Variants in MID1 observed in about 807,000 individuals in gnomAD.
MID1 encodes E3 ubiquitin-protein ligase Midline-1.
Under a neutral mutation model 40.4 loss-of-function variants are expected in MID1, and 7 were observed. The observed-to-expected ratio is 0.17, with a 90% CI of 0.10 to 0.33. The LOEUF (loss-of-function observed/expected upper bound fraction) is 0.33, where lower values mean the gene tolerates loss of function less well. Ranked by LOEUF, MID1 falls within the 10% of genes least tolerant of loss-of-function variation. The pLI, the probability that MID1 is intolerant of heterozygous loss-of-function variation, is 1.00. For synonymous variants in MID1, 229 were observed against 221.2 expected, an observed-to-expected ratio of 1.04 and a Z score of -0.31; for missense variants, 367 against 558.5, an observed-to-expected ratio of 0.66 and a Z score of 3.46.
At chrX:10,516,592 GTGT>G (rs1932439676) in intron 3 of MID1, among the ~76,000 whole-genome samples, 1 of 83,975 alleles carries the variant, frequency 1.2e-5, no homozygotes, top group African/African-American at 6.9e-5. Context: ...GTGTGTGTGT[GTGT>G]GTGTGTGTGT....
At chrX:10,750,681 G>A (rs754909397) in intron 1 of MID1, among the ~76,000 whole-genome samples, 2 of 110,105 alleles carry the variant, frequency 1.8e-5, no homozygotes, top group Admixed American at 1.9e-4. Flanking sequence ...ATAAATTCCC[G>A]GCCATCAATA....
intron 3 of MID1, among the ~76,000 whole-genome samples, chrX:10,499,690 T>A (rs1226502379): frequency 3.6e-5 from 4 of 112,361 alleles, no homozygotes; most frequent in Admixed American, 1.9e-4. Flanking sequence ...AAGACTATTC[T>A]TTCTTTCACT....
chrX:10,616,516 G>A (rs1476145671), intron 1 of MID1, among the ~76,000 whole-genome samples: 2 of 111,826 alleles, frequency 1.8e-5, no homozygotes, highest in East Asian at 5.6e-4. Flanking sequence ...CCAACGCACA[G>A]CCCAGGTTGC....
At chrX:10,606,183 T>G (rs73632646) in intron 1 of MID1, among the ~76,000 whole-genome samples, 2 of 111,361 alleles carry the variant, frequency 1.8e-5, no homozygotes, top group African/African-American at 6.5e-5. Context: ...GTAATTTATA[T>G]ATAAATATAA....
At chrX:10,719,260 C>A (rs1208111570) in intron 1 of MID1, among the ~76,000 whole-genome samples, 1 of 110,654 alleles carries the variant, frequency 9.0e-6, no homozygotes, top group South Asian at 3.8e-4. Flanking sequence ...TCAAATTGTC[C>A]CTGTTTGCAG....
intron 1 of MID1, among the ~76,000 whole-genome samples, chrX:10,664,140 TTGTG>T (rs968966253): frequency 3.8e-5 from 4 of 104,635 alleles, no homozygotes; most frequent in African/African-American, 1.6e-4. Flanking sequence ...TTTGCTTGTT[TTGTG>T]TGTGTATCTG....
At chrX:10,775,373 T>A (rs1180632781) in intron 1 of MID1, among the ~76,000 whole-genome samples, 1 of 110,577 alleles carries the variant, frequency 9.0e-6, no homozygotes, top group Admixed American at 9.7e-5. Flanking sequence ...CCAAGAAACC[T>A]CACATTAGAC....
chrX:10,570,080 A>T (rs1934679612), intron 1 of MID1, among the ~76,000 whole-genome samples: 2 of 111,690 alleles, frequency 1.8e-5, no homozygotes, highest in Admixed American at 1.9e-4. Context: ...TTCCCATTTC[A>T]CCCAGAGAGA....
chrX:10,530,622 G>A (rs1056630272), intron 2 of MID1, among the ~76,000 whole-genome samples: 4 of 112,375 alleles, frequency 3.6e-5, no homozygotes, highest in African/African-American at 1.3e-4. Flanking sequence ...TTCATGTTAG[G>A]TAGTTTTTAG....
rs369262421 is a variant in MID1, at chrX:10,449,579, G to C, written c.1793C>G (p.Ala598Gly). The change falls in exon 10 of 10, where the codon GCC becomes GGC. Residue 598 changes from alanine (A) to glycine (G), a missense_variant. Ala to Gly is a moderately conservative substitution (Grantham distance 60). This residue lies in a region of MID1 where 275 missense variants were observed against 383.1 expected (regional missense o/e 0.72). Coordinates refer to ENST00000317552, the MANE Select transcript of MID1 (RefSeq NM_000381.4). ...GATGCCCACGCGCCGGAGGTGGGGGGCAGGCTCAATGGGGATTTCCTTGCT... is the reference window on the plus strand; with the variant it reads ...GATGCCCACGCGCCGGAGGTGGGGGCCAGGCTCAATGGGGATTTCCTTGCT... The part of the protein sequence containing the change: ...HNSKEIPIEP[A>G]PHLRRVGILL... The C allele has an allele frequency of 1.7e-6, 2 of 1,210,052 alleles. No individual in the cohort carries two copies. Among genetic ancestry groups the C allele is most frequent in the African/African-American group, 3.5e-5 (2 of 57,161 alleles).
At chrX:10,530,485 A>T (rs746031615) in intron 2 of MID1, among the ~76,000 whole-genome samples, 1 of 112,694 alleles carries the variant, frequency 8.9e-6, no homozygotes, top group East Asian at 2.8e-4. Context: ...GTTATAAAAC[A>T]TGTGTTGCTT....
chrX:10,715,984 C>T (rs142064542), intron 1 of MID1, among the ~76,000 whole-genome samples: 3 of 111,957 alleles, frequency 2.7e-5, no homozygotes, highest in Admixed American at 1.9e-4. Flanking sequence ...AGCTGAGGGT[C>T]CTGTCTGTTA....
At chrX:10,802,171 A>G (rs1031942525) in intron 1 of MID1, among the ~76,000 whole-genome samples, 6 of 111,398 alleles carry the variant, frequency 5.4e-5, no homozygotes, top group Middle Eastern at 4.6e-3. Context: ...AAAGAGCAAG[A>G]CTCCATCTCA....
intron 4 of MID1, among the ~76,000 whole-genome samples, chrX:10,486,064 T>C (rs142553136): frequency 0.07 from 7,767 of 111,561 alleles, 566 homozygotes; most frequent in African/African-American, 0.21. Flanking sequence ...AAAATTCTTT[T>C]CCAGGGAGCC....
Position 10,474,661 on chromosome X carries a change from C to T in MID1, c.1103G>A (p.Arg368Gln), listed in dbSNP as rs753740212. The T allele has an allele frequency of 6.6e-6, 8 of 1,207,207 alleles. No individual in the cohort carries two copies. Among genetic ancestry groups the T allele is most frequent in the East Asian group, 3.0e-5 (1 of 33,733 alleles). The change falls in exon 6 of 10, where the codon CGA (arginine) becomes CAA (glutamine). Residue 368 changes from arginine (R) to glutamine (Q), a missense_variant. By Grantham distance (43) the Arg-to-Gln change is conservative. This residue lies in a region of MID1 where 275 missense variants were observed against 383.1 expected (regional missense o/e 0.72). Coordinates refer to ENST00000317552, the MANE Select transcript of MID1 (RefSeq NM_000381.4). ...TFDTFALDFS[R>Q]EKKLLECLDY... ...CAGACATTCTAGCAGTTTCTTCTCTCGGGAAAAATCTAAGGCAAAGGTGTC... is the reference window on the plus strand; with the variant it reads ...CAGACATTCTAGCAGTTTCTTCTCTTGGGAAAAATCTAAGGCAAAGGTGTC...
chrX:10,754,541 C>G (rs2043620460), intron 1 of MID1, among the ~76,000 whole-genome samples: 1 of 110,872 alleles, frequency 9.0e-6, no homozygotes, highest in African/African-American at 3.3e-5. Context: ...TCTCGTAAGA[C>G]CCCCTGAAAT....
At chrX:10,648,441 G>A (rs1261828247) in intron 1 of MID1, among the ~76,000 whole-genome samples, 1 of 111,776 alleles carries the variant, frequency 8.9e-6, no homozygotes, top group Non-Finnish European at 1.9e-5. Flanking sequence ...ATTTTTTAAC[G>A]CATTCACAGG....
At chrX:10,663,209 CCAT>C (rs2042928071) in intron 1 of MID1, among the ~76,000 whole-genome samples, 1 of 110,936 alleles carries the variant, frequency 9.0e-6, no homozygotes, top group Non-Finnish European at 1.9e-5. Context: ...TGTCCTACAA[CCAT>C]CATCAACATC....
Position 10,620,367 on chromosome X carries a change from C to A in MID1, c.-134G>T, listed in dbSNP as rs374482660. ...GGAGCCCGCGTCGCAGTCTTCAGAG[C>A]GGAAACACCGAACCCGACAGGAGCC... On this transcript the variant is annotated 5_prime_UTR_variant, in exon 1 of 10. Transcript: ENST00000317552. 5 of 112,631 alleles carry A rather than the reference C, an allele frequency of 4.4e-5. No homozygotes were observed. In the East Asian group the frequency reaches 1.1e-3, roughly 25 times the overall value. 9.3% of individuals were successfully genotyped at this position (112,631 alleles called of 1,213,427 possible).
Sources: gnomAD v4.1 joint callset for allele counts (sites outside exome capture counted in the v4.1 genomes callset) on GRCh38, gnomAD v4.1.1 for gene constraint, gnomAD v4.1.1 regional missense constraint, MANE v1.5 for transcripts, NCBI Gene and HGNC (gene_info 2026-07-23, HGNC 2026-07-21) for gene names.